Variants in HIP1R observed in about 807,000 individuals in gnomAD.
HIP1R encodes huntingtin interacting protein 1 related.
In HIP1R, 135 loss-of-function variants were observed where a neutral mutation model predicts 144.2. The observed-to-expected ratio is 0.94, with a 90% CI of 0.81 to 1.08. The LOEUF is 1.08. HIP1R is among the 50% of genes least tolerant of loss of function. The pLI is 0.00. For missense variants in HIP1R, 1,462 were observed against 1,432.8 expected (o/e 1.02, Z -0.33); for synonymous variants, 698 against 612.8 (o/e 1.14, Z -2.05).
intron 20 of HIP1R, 70 bp downstream of exon 20, chr12:122,858,505 C>A: frequency 7.7e-7 from 1 of 1,302,972 alleles, no homozygotes; most frequent in Non-Finnish European, 1.1e-6. Flanking sequence ...CCACCTCTTG[C>A]CTTTTGGGAG....
chr12:122,855,614 TGAG>T lies in HIP1R; in HGVS notation c.1055+4_1055+6del. 6.5e-7 allele frequency: 1 copy of T among 1,549,504 alleles called. No homozygotes were observed. The highest frequency in any genetic ancestry group is 8.7e-7 in the Non-Finnish European group (1 of 1,146,666). On this transcript the variant is annotated splice_donor_5th_base_variant and intron_variant, in intron 12 of 31. Transcript: ENST00000253083. ...CAATGGGTCTGTGAAGGACGACAGG[TGAG>T]GGCTGGAGGAGCCGACTGGGCTGGG...
At chr12:122,834,946 A>C (rs1461547349), upstream of HIP1R, 7 of 1,288,378 alleles carry the variant, frequency 5.4e-6, no homozygotes, top group Non-Finnish European at 6.1e-6. Flanking sequence ...CACCGACCAG[A>C]CTCATGGAGG....
chr12:122,859,506 A>C lies in HIP1R; in HGVS notation c.2376A>C (p.Ala792=). Residue 792 remains alanine (A), a synonymous_variant, in exon 23 of 32, where the codon GCA becomes GCC. Coordinates refer to ENST00000253083, the MANE Select transcript of HIP1R (RefSeq NM_003959.3). ...VVDKEMAATS[A]AIEDAVRRIE... ...ACAAGGAGATGGCGGCCACATCCGCAGCCATTGAAGATGCTGTGCGGAGGA... is the reference window on the plus strand; with the variant it reads ...ACAAGGAGATGGCGGCCACATCCGCCGCCATTGAAGATGCTGTGCGGAGGA... 6.2e-7 allele frequency: 1 copy of C among 1,613,300 alleles called. No homozygotes were observed. Among genetic ancestry groups the C allele is most frequent in the Non-Finnish European group, 8.5e-7 (1 of 1,179,754 alleles).
At chr12:122,860,598 C>T in intron 27 of HIP1R, 75 bp downstream of exon 27, 1 of 1,558,258 alleles carries the variant, frequency 6.4e-7, no homozygotes. Flanking sequence ...CAACAGGGTG[C>T]AGGGAGTAGA....
chr12:122,835,649 C>G lies in HIP1R; in HGVS notation c.93+6C>G. 1 of 839,646 alleles carries G rather than the reference C, an allele frequency of 1.2e-6. No homozygotes were observed. The highest frequency in any genetic ancestry group is 1.4e-6 in the Non-Finnish European group (1 of 726,602). The allele number at this position is 839,646 out of a possible 1,614,324, so 52.0% of individuals were successfully genotyped here. A position where few individuals can be genotyped will look rare whatever the true frequency, so the allele number is the denominator to read the frequency against. On this transcript the variant is annotated splice_donor_region_variant and intron_variant, in intron 1 of 31. Transcript: ENST00000253083. ...AGCAGTTCGACAAGACCCAGGCGAGCGGGCGGCGGGCGGCGGGCGGCGGGC... is the reference window on the plus strand; with the variant it reads ...AGCAGTTCGACAAGACCCAGGCGAGGGGGCGGCGGGCGGCGGGCGGCGGGC...
In HIP1R at chr12:122,858,821, C is replaced by T. The variant is rs1203928548; in HGVS notation, c.2051-17C>T. ...AGTGTCATCCTCCCCCAACCTTGGC[C>T]CCACCCACCCGCACAGACGCCTCCG... On this transcript the variant is annotated splice_polypyrimidine_tract_variant and intron_variant, in intron 20 of 31. Coordinates refer to ENST00000253083, the MANE Select transcript of HIP1R (RefSeq NM_003959.3). 1.3e-6 allele frequency: 2 copies of T among 1,595,014 alleles called. No homozygotes were observed. The highest frequency in any genetic ancestry group is 1.7e-6 in the Non-Finnish European group (2 of 1,164,396).
At chr12:122,854,469 G>A (rs984415110) in intron 8 of HIP1R, among the ~76,000 whole-genome samples, 9 of 151,926 alleles carry the variant, frequency 5.9e-5, no homozygotes, top group African/African-American at 2.2e-4. Context: ...GGAATCTCCC[G>A]CCAGGCACCC....
Position 122,858,235 on chromosome 12 carries a change from G to A in HIP1R, c.1949G>A (p.Cys650Tyr). Residue 650 changes from cysteine (C) to tyrosine (Y), a missense_variant, in exon 19 of 32, where the codon TGT becomes TAT. Around this residue, in one of 2 missense-constraint regions of HIP1R, gnomAD observed 1,112 missense variants for 1,011.7 expected, o/e 1.10. Coordinates refer to ENST00000253083, the MANE Select transcript of HIP1R (RefSeq NM_003959.3). ...CTGGACGACCCCCTGCACCTGCGCT[G>A]TACCAGCTCCCCAGGTAGACAGTGG... is the stretch of plus-strand genomic sequence containing the variant. ...SKLDDPLHLR[C>Y]TSSPDYLVSR... 1 of 1,596,140 alleles carries A rather than the reference G, an allele frequency of 6.3e-7. No individual in the cohort carries two copies.
rs1423119661 is a variant in HIP1R at position 122,862,446 on chromosome 12, GTGAGT to G, written c.*695_*699del. On this transcript the variant is annotated 3_prime_UTR_variant, in exon 32 of 32. Transcript: ENST00000253083. ...CCCGGGCGCTGCCTTCACTCCTGGAGTGAGTTTCCATTTCCAGCTGGAATCTGCAG... is the reference window on the plus strand; with the variant it reads ...CCCGGGCGCTGCCTTCACTCCTGGAGTTCCATTTCCAGCTGGAATCTGCAG... 1 of 696 alleles carries G rather than the reference GTGAGT, an allele frequency of 1.4e-3. No homozygotes were observed. Among genetic ancestry groups the G allele is most frequent in the African/African-American group, 7.7e-3 (1 of 130 alleles). 0.0% of individuals were successfully genotyped at this position (696 alleles called of 1,614,324 possible).
intron 2 of HIP1R, 82 bp from the exon 3 acceptor site, chr12:122,848,384 G>A (rs897148179): frequency 3.0e-5 from 45 of 1,512,638 alleles, no homozygotes; most frequent in South Asian, 5.2e-5. Flanking sequence ...GCCCTCTTCC[G>A]GCGGCCCTGG....
chr12:122,858,020 G>A, intron 18 of HIP1R, 82 bp from the exon 19 acceptor site: 31 of 1,305,726 alleles, frequency 2.4e-5, no homozygotes, highest in Non-Finnish European at 3.1e-5. Context: ...CCAACTGGTG[G>A]CCCATGGGTC....
At chr12:122,841,092 A>C (rs1051669855) in intron 1 of HIP1R, among the ~76,000 whole-genome samples, 2 of 152,138 alleles carry the variant, frequency 1.3e-5, no homozygotes, top group African/African-American at 4.8e-5. Context: ...CTAACCTGAG[A>C]CGCCTTGGCT....
chr12:122,859,403 T>C (rs1204856967), intron 22 of HIP1R, 23 bp from the exon 23 acceptor site: 7 of 1,589,002 alleles, frequency 4.4e-6, no homozygotes, highest in East Asian at 4.5e-5. Context: ...AGGCTACCCC[T>C]GTCTGACTCC....
At chr12:122,835,747 C>A in intron 1 of HIP1R, 104 bp downstream of exon 1, 1 of 749,146 alleles carries the variant, frequency 1.3e-6, no homozygotes, top group Non-Finnish European at 1.6e-6. Context: ...GAGGCGCCGG[C>A]CAGGGGCGGG....
In HIP1R at chr12:122,856,061, A is replaced by T; in HGVS notation, c.1210A>T (p.Lys404Ter). The T allele has an allele frequency of 6.3e-7, 1 of 1,592,512 alleles. No individual in the cohort carries two copies. Among genetic ancestry groups the T allele is most frequent in the Non-Finnish European group, 8.5e-7 (1 of 1,169,810 alleles). Reference sequence around the variant, plus strand: ...GGAGGAGCAGCGGAAGCAGAAGCAGAAGGCCCTGGTGGATAATGAGCAGCT... The same window carrying T: ...GGAGGAGCAGCGGAAGCAGAAGCAGTAGGCCCTGGTGGATAATGAGCAGCT... ...ELEEQRKQKQKALVDNEQLRH... is the reference protein window; with the variant it reads ...ELEEQRKQKQ The change falls in exon 14 of 32, where the codon AAG (lysine) becomes TAG (stop). Residue 404 changes from lysine to a stop codon, truncating the protein, a stop_gained. Transcript: ENST00000253083. LOFTEE classifies it high-confidence loss of function.
rs773821606 is a variant in HIP1R, at chr12:122,858,388, T to C, written c.2003T>C (p.Val668Ala). Reference sequence around the variant, plus strand: ...AGGGCCCAGGAGGCCTTGGATGCCGTGAGCACCCTGGAGGAGGGCCACGCC... The same window carrying C: ...AGGGCCCAGGAGGCCTTGGATGCCGCGAGCACCCTGGAGGAGGGCCACGCC... Reference protein sequence around the residue: ...VSRAQEALDAVSTLEEGHAQY... With the variant: ...VSRAQEALDAASTLEEGHAQY... Residue 668 changes from valine to alanine, a missense_variant, in exon 20 of 32, where the codon GTG (valine) becomes GCG (alanine). This residue lies in a region of HIP1R where 1,112 missense variants were observed against 1,011.7 expected (regional missense o/e 1.10). Transcript: ENST00000253083. 2 of 1,611,122 alleles carry C rather than the reference T, an allele frequency of 1.2e-6. No individual in the cohort carries two copies. Among genetic ancestry groups the C allele is most frequent in the Non-Finnish European group, 1.7e-6 (2 of 1,178,670 alleles).
At chr12:122,851,021 G>A (rs1175217282) in intron 6 of HIP1R, 110 bp downstream of exon 6, 40 of 1,022,200 alleles carry the variant, frequency 3.9e-5, no homozygotes, top group Non-Finnish European at 3.1e-5. Flanking sequence ...GAATGAGTCC[G>A]TGGCTTTGTT....
At position 122,856,300 on chromosome 12, in the gene HIP1R, A is replaced by G; in HGVS notation, c.1357A>G (p.Lys453Glu). Residue 453 changes from lysine (K) to glutamate (E), a missense_variant, in exon 15 of 32, where the codon AAG (lysine) becomes GAG (glutamate). By Grantham distance (56) the Lys-to-Glu change is moderately conservative. Coordinates refer to ENST00000253083, the MANE Select transcript of HIP1R (RefSeq NM_003959.3). ...GGCGCGCTACAACAAGCTGAAGGAA[A>G]AGCACAGTGAGCTCGTCCATGTGCA... ...TEARYNKLKE[K>E]HSELVHVHAE... 2 of 1,613,874 alleles carry G rather than the reference A, an allele frequency of 1.2e-6. No homozygotes were observed. The highest frequency in any genetic ancestry group is 1.7e-6 in the Non-Finnish European group (2 of 1,179,996).
In HIP1R at chr12:122,860,540, G is replaced by C. The variant is rs749794053; in HGVS notation, c.2660+17G>C. Reference sequence around the variant, plus strand: ...ACAGCTGGTGTAGGTTGCCCTGGGTGGGGGGGGGCAGGGGGCTGCTTCCTG... The same window carrying C: ...ACAGCTGGTGTAGGTTGCCCTGGGTCGGGGGGGGCAGGGGGCTGCTTCCTG... On this transcript the variant is annotated intron_variant, in intron 27 of 31. Transcript: ENST00000253083. 4.5e-5 allele frequency: 71 copies of C among 1,570,504 alleles called. No homozygotes were observed. The highest frequency in any genetic ancestry group is 1.0e-4 in the Admixed American group (6 of 59,248).
Sources: gnomAD v4.1 joint callset for allele counts (sites outside exome capture counted in the v4.1 genomes callset) on GRCh38, gnomAD v4.1.1 for gene constraint, gnomAD v4.1.1 regional missense constraint, MANE v1.5 for transcripts, NCBI Gene and HGNC (gene_info 2026-07-23, HGNC 2026-07-21) for gene names.